GSDME: variants seen among roughly 807,000 people sequenced by gnomAD.
GSDME encodes gasdermin E.
GSDME carries 44 observed loss-of-function variants against 47.5 expected under a neutral mutation model. The ratio of observed to expected loss-of-function variants is 0.93; its 90% confidence interval spans 0.73 to 1.19. GSDME has a LOEUF of 1.19. Among genes scored for constraint, GSDME ranks in the 50% most tolerant of loss-of-function variants. The pLI, the probability that GSDME is intolerant of heterozygous loss-of-function variation, is 0.00. For synonymous variants in GSDME, 258 were observed against 252.8 expected (o/e 1.02, Z -0.20); for missense variants, 663 against 604.2 (o/e 1.10, Z -1.02).
chr7:24,778,007 C>T, the GSDME span, among the ~76,000 whole-genome samples: 1 of 150,472 alleles, frequency 6.6e-6, no homozygotes. This position sits in a 1 kb window ranked among gnomAD's most constrained non-coding sequence, Gnocchi z 5.6. Flanking sequence ...ATCTGTTTCC[C>T]ATAAAGGCTC....
the GSDME span, among the ~76,000 whole-genome samples, chr7:24,792,927 C>T: frequency 2.0e-5 from 3 of 152,036 alleles, no homozygotes; most frequent in Admixed American, 2.0e-4. Context: ...GGAAGATAAA[C>T]CAAGTATATA....
chr7:24,722,202 A>G (rs1789815724), intron 3 of GSDME, among the ~76,000 whole-genome samples: 1 of 152,246 alleles, frequency 6.6e-6, no homozygotes, highest in Non-Finnish European at 1.5e-5. Context: ...AAATGAGTAA[A>G]TAAAACTTGT....
chr7:24,788,570 A>T, the GSDME span, among the ~76,000 whole-genome samples: 1 of 152,094 alleles, frequency 6.6e-6, no homozygotes, highest in East Asian at 1.9e-4. The surrounding 1 kb of genome is among the most constrained non-coding windows in gnomAD (Gnocchi z 4.6). Flanking sequence ...CATAAAAAGA[A>T]ATCCTTTACT....
chr7:24,745,205 A>T lies in GSDME; in HGVS notation c.212-451T>A, dbSNP rs1790630000. Reference sequence around the variant, plus strand: ...GATCAATAGACCATTTTAAATGTGTACTTTTCCAGGGTGAAGACTGAAAGG... The same window carrying T: ...GATCAATAGACCATTTTAAATGTGTTCTTTTCCAGGGTGAAGACTGAAAGG... On this transcript the variant is annotated intron_variant, in intron 2 of 9. Coordinates refer to ENST00000645220, the MANE Select transcript of GSDME (RefSeq NM_001127453.2). The surrounding 1 kb of genome is among the most constrained non-coding windows in gnomAD (Gnocchi z 4.4). 6.6e-6 allele frequency among the ~76,000 whole-genome samples: 1 copy of T among 152,192 alleles called. No homozygotes were observed. Among genetic ancestry groups the T allele is most frequent in the Non-Finnish European group, 1.5e-5 (1 of 68,032 alleles).
In GSDME at chr7:24,742,072, C is replaced by T. The variant is rs1248341430; in HGVS notation, c.404+2490G>A. Among the ~76,000 whole-genome samples the T allele has an allele frequency of 2.6e-5, 4 of 152,214 alleles. No homozygotes were observed. Among genetic ancestry groups the T allele is most frequent in the Non-Finnish European group, 5.9e-5 (4 of 68,042 alleles). ...CTACAAGTAATAGGACTCCCGAGTC[C>T]AAGTGATCTCATCCCTGTGTCCAGG... On this transcript the variant is annotated intron_variant, in intron 3 of 9. Transcript: ENST00000645220. This position sits in a 1 kb window ranked among gnomAD's most constrained non-coding sequence, Gnocchi z 4.4.
the GSDME span, among the ~76,000 whole-genome samples, chr7:24,780,311 A>G: frequency 6.6e-6 from 1 of 152,242 alleles, no homozygotes; most frequent in African/African-American, 2.4e-5. The surrounding 1 kb of genome is among the most constrained non-coding windows in gnomAD (Gnocchi z 4.1). Flanking sequence ...ATAAACCAGG[A>G]TATCAGTTTA....
chr7:24,700,665 C>G (rs972676748), intron 9 of GSDME, among the ~76,000 whole-genome samples: 2 of 151,972 alleles, frequency 1.3e-5, no homozygotes, highest in Non-Finnish European at 2.9e-5. Context: ...CTTGTAGATT[C>G]GCCAAATACA....
At chr7:24,778,421 T>C in the GSDME span, among the ~76,000 whole-genome samples, 1 of 152,194 alleles carries the variant, frequency 6.6e-6, no homozygotes, top group African/African-American at 2.4e-5. The surrounding 1 kb of genome is among the most constrained non-coding windows in gnomAD (Gnocchi z 5.6). Flanking sequence ...AGAGACAGGC[T>C]AGTGTGAAGT....
intron 3 of GSDME, among the ~76,000 whole-genome samples, chr7:24,722,795 G>C (rs1789837646): frequency 6.6e-6 from 1 of 152,244 alleles, no homozygotes; most frequent in Admixed American, 6.5e-5. Context: ...CACCAAAAGA[G>C]AGGGGCAGCC....
Position 24,725,004 on chromosome 7 carries a change from T to C in GSDME, c.405-5786A>G, listed in dbSNP as rs1789919812. ...GACATGTTTGCTCCTCTTTCACCTT[T>C]TTCCATGACTGGAAGCTTCTGGAGG... On this transcript the variant is annotated intron_variant, in intron 3 of 9. Coordinates refer to ENST00000645220, the MANE Select transcript of GSDME (RefSeq NM_001127453.2). This position sits in a 1 kb window ranked among gnomAD's most constrained non-coding sequence, Gnocchi z 5.1. Among the ~76,000 whole-genome samples, 1 of 152,220 alleles carries C rather than the reference T, an allele frequency of 6.6e-6. No individual in the cohort carries two copies. Among genetic ancestry groups the C allele is most frequent in the Admixed American group, 6.5e-5 (1 of 15,284 alleles).
chr7:24,758,463 A>G (rs560053806), upstream of GSDME, among the ~76,000 whole-genome samples: 8 of 152,302 alleles, frequency 5.3e-5, no homozygotes, highest in South Asian at 1.7e-3. The surrounding 1 kb of genome is among the most constrained non-coding windows in gnomAD (Gnocchi z 4.6). Context: ...CCCATTGCTC[A>G]GTGACACTTT....
In GSDME at chr7:24,698,836, C is replaced by CTGA; in HGVS notation, c.*187_*189dup. 1 of 624,330 alleles carries CTGA rather than the reference C, an allele frequency of 1.6e-6. No homozygotes were observed. Among genetic ancestry groups the CTGA allele is most frequent in the Non-Finnish European group, 2.9e-6 (1 of 344,926 alleles). 38.7% of individuals were successfully genotyped at this position (624,330 alleles called of 1,614,324 possible). Reference sequence around the variant, plus strand: ...CTGGGTCACCAGCACAGGAGGGCCTCTGATAAGGAAAACTGTTTAAAGAGT... The same window carrying CTGA: ...CTGGGTCACCAGCACAGGAGGGCCTCTGATGATAAGGAAAACTGTTTAAAGAGT... On this transcript the variant is annotated 3_prime_UTR_variant, in exon 10 of 10. Coordinates refer to ENST00000645220, the MANE Select transcript of GSDME (RefSeq NM_001127453.2).
In GSDME at chr7:24,750,106, G is replaced by C. The variant is rs184116413; in HGVS notation, c.-19-313C>G. ...CAATACAGGGGTACAAGAGAGTTTT[G>C]TTTATTATGGTTATTCAGGGATCCA... On this transcript the variant is annotated intron_variant, in intron 1 of 9. Transcript: ENST00000645220. Among the ~76,000 whole-genome samples the C allele has an allele frequency of 4.2e-3, 635 of 152,288 alleles. 5 individuals carry two copies. The highest frequency in any genetic ancestry group is 0.014 in the African/African-American group (590 of 41,568).
intron 3 of GSDME, among the ~76,000 whole-genome samples, chr7:24,722,983 C>T (rs947408977): frequency 1.3e-5 from 2 of 152,144 alleles, no homozygotes; most frequent in Non-Finnish European, 2.9e-5. Context: ...TGACCAGAAA[C>T]GTGTCACACA....
intron 1 of GSDME, among the ~76,000 whole-genome samples, chr7:24,750,605 T>G (rs1790826939): frequency 2.6e-5 from 4 of 152,178 alleles, no homozygotes; most frequent in Admixed American, 2.6e-4. Flanking sequence ...AGTGCAAGAT[T>G]TTGTCTCAAA....
At chr7:24,793,466 T>C in the GSDME span, among the ~76,000 whole-genome samples, 3 of 152,194 alleles carry the variant, frequency 2.0e-5, no homozygotes, top group Admixed American at 6.5e-5. Flanking sequence ...AAAATCTACA[T>C]TTTTATGCCT....
chr7:24,760,362 G>C (rs1046280156), upstream of GSDME, among the ~76,000 whole-genome samples: 1 of 152,164 alleles, frequency 6.6e-6, no homozygotes, highest in Non-Finnish European at 1.5e-5. This position sits in a 1 kb window ranked among gnomAD's most constrained non-coding sequence, Gnocchi z 4.2. Context: ...TGGAGACCTG[G>C]ACGCTTTCAG....
Position 24,721,649 on chromosome 7 carries a change from T to G in GSDME, c.405-2431A>C, listed in dbSNP as rs995677093. ...CAAACACTAGCTGGCTCCGCCCACC[T>G]TCCCGTGTCCCTCTATGAGGCTCAC... On this transcript the variant is annotated intron_variant, in intron 3 of 9. Transcript: ENST00000645220. The surrounding 1 kb of genome is among the most constrained non-coding windows in gnomAD (Gnocchi z 4.1). Among the ~76,000 whole-genome samples, 2 of 152,208 alleles carry G rather than the reference T, an allele frequency of 1.3e-5. No homozygotes were observed. Among genetic ancestry groups the G allele is most frequent in the Non-Finnish European group, 2.9e-5 (2 of 68,022 alleles).
rs770111937 is a variant in GSDME at position 24,706,384 on chromosome 7, G to C, written c.991-8C>G. ...GCTGACCAGGTCATCGCACTGTAGG[G>C]CAGGGAAGAAGAAGGGTCATGACAC... On this transcript the variant is annotated splice_region_variant and splice_polypyrimidine_tract_variant and intron_variant, in intron 7 of 9. Coordinates refer to ENST00000645220, the MANE Select transcript of GSDME (RefSeq NM_001127453.2). 1 of 1,611,574 alleles carries C rather than the reference G, an allele frequency of 6.2e-7. No homozygotes were observed. Among genetic ancestry groups the C allele is most frequent in the Non-Finnish European group, 8.5e-7 (1 of 1,179,574 alleles).
Sources: allele counts gnomAD v4.1 joint callset (sites outside exome capture counted in the v4.1 genomes callset), GRCh38; gene constraint gnomAD v4.1.1; non-coding constraint Gnocchi (gnomAD v3.1); transcripts MANE v1.5; gene names NCBI Gene and HGNC (gene_info 2026-07-23, HGNC 2026-07-21).